The following CLIC5 variants were observed in gnomAD, a reference collection of about 807,000 sequenced individuals.
CLIC5 encodes CLIC family member 5.
In CLIC5, 20 loss-of-function variants were observed where a neutral mutation model predicts 24.7. That is an observed-to-expected ratio of 0.81 (90% CI 0.57 to 1.18). The LOEUF is 1.18. Ranked by LOEUF, CLIC5 falls within the 50% of genes most tolerant of loss-of-function variation. The probability of loss-of-function intolerance (pLI) is 0.00; values close to 1 mark genes in which losing one functional copy is unlikely to be tolerated. For missense variants in CLIC5, 341 were observed against 326.1 expected, an observed-to-expected ratio of 1.05 and a Z score of -0.35; for synonymous variants, 159 against 135.6, an observed-to-expected ratio of 1.17 and a Z score of -1.20.
intron 1 of CLIC5, among the ~76,000 whole-genome samples, chr6:46,002,709 G>T (rs773727383): frequency 4.6e-5 from 7 of 152,228 alleles, no homozygotes; most frequent in African/African-American, 1.7e-4. Flanking sequence ...GTTGATCAAA[G>T]AATGGGAGTT....
At chr6:46,069,118 G>A (rs1371866459) in intron 1 of CLIC5, among the ~76,000 whole-genome samples, 1 of 152,156 alleles carries the variant, frequency 6.6e-6, no homozygotes, top group East Asian at 1.9e-4. Context: ...GAACCATGAA[G>A]TGTGCAGGGA....
At chr6:45,987,788 C>T (rs535998603) in intron 1 of CLIC5, among the ~76,000 whole-genome samples, 1 of 152,182 alleles carries the variant, frequency 6.6e-6, no homozygotes, top group East Asian at 1.9e-4. Context: ...TCCCCCAATC[C>T]TATTGGATTA....
At chr6:45,978,635 G>C (rs896119630) in intron 1 of CLIC5, among the ~76,000 whole-genome samples, 1 of 152,130 alleles carries the variant, frequency 6.6e-6, no homozygotes, top group African/African-American at 2.4e-5. Context: ...CACACTTGGA[G>C]AACATCTGTA....
At chr6:46,053,563 C>T (rs978066059) in intron 1 of CLIC5, among the ~76,000 whole-genome samples, 1 of 152,158 alleles carries the variant, frequency 6.6e-6, no homozygotes, top group African/African-American at 2.4e-5. Flanking sequence ...TAGAAAGTGG[C>T]CTTCCCTCCC....
the CLIC5 span, among the ~76,000 whole-genome samples, chr6:46,113,529 T>A: frequency 6.6e-6 from 1 of 151,948 alleles, no homozygotes; most frequent in Non-Finnish European, 1.5e-5. Context: ...GGCAGGTAAG[T>A]GATGTGAGCA....
At chr6:45,985,091 C>T (rs1765688975) in intron 1 of CLIC5, among the ~76,000 whole-genome samples, 1 of 152,118 alleles carries the variant, frequency 6.6e-6, no homozygotes, top group Non-Finnish European at 1.5e-5. Context: ...GGAGGGAGGG[C>T]CTGGAAAGGC....
At chr6:46,081,344 T>C (rs774613631), upstream of CLIC5, among the ~76,000 whole-genome samples, 2 of 152,204 alleles carry the variant, frequency 1.3e-5, no homozygotes, top group Non-Finnish European at 1.5e-5. Flanking sequence ...TAAAGGGACT[T>C]TAATGTCTAG....
the CLIC5 span, among the ~76,000 whole-genome samples, chr6:46,086,066 T>C: frequency 6.6e-6 from 1 of 152,212 alleles, no homozygotes; most frequent in African/African-American, 2.4e-5. Context: ...GGATATAACC[T>C]CCTGGTGCGC....
chr6:46,098,336 C>G, the CLIC5 span, among the ~76,000 whole-genome samples: 1 of 152,070 alleles, frequency 6.6e-6, no homozygotes, highest in Non-Finnish European at 1.5e-5. Flanking sequence ...TAAGATTTCA[C>G]TGGCAGAAAT....
intron 1 of CLIC5, among the ~76,000 whole-genome samples, chr6:45,962,401 C>CT (rs918527096): frequency 6.8e-6 from 1 of 146,536 alleles, no homozygotes; most frequent in Non-Finnish European, 1.5e-5. Flanking sequence ...GGGGGTCAGT[C>CT]TTTTTTTCTA....
chr6:46,077,178 A>AAATG (rs1762794071), intron 1 of CLIC5, among the ~76,000 whole-genome samples: 1 of 152,184 alleles, frequency 6.6e-6, no homozygotes, highest in Admixed American at 6.5e-5. Context: ...TTGAATGAAT[A>AAATG]AATGAATGAC....
chr6:46,086,237 G>T, the CLIC5 span, among the ~76,000 whole-genome samples: 1 of 152,214 alleles, frequency 6.6e-6, no homozygotes, highest in Non-Finnish European at 1.5e-5. Context: ...CTCGTGCACG[G>T]TGCACTGCAC....
chr6:46,128,892 C>T, the CLIC5 span, among the ~76,000 whole-genome samples: 1 of 152,180 alleles, frequency 6.6e-6, no homozygotes, highest in Non-Finnish European at 1.5e-5. Context: ...CAACGGAATA[C>T]ATCTATTGCC....
chr6:45,923,293 T>G (rs1027106195), intron 4 of CLIC5, among the ~76,000 whole-genome samples: 5 of 152,212 alleles, frequency 3.3e-5, no homozygotes, highest in African/African-American at 1.2e-4. Context: ...AATGAGCTGG[T>G]TAAGAGAGAT....
chr6:46,085,491 C>G, the CLIC5 span, among the ~76,000 whole-genome samples: 6 of 152,210 alleles, frequency 3.9e-5, no homozygotes, highest in Admixed American at 2.0e-4. Flanking sequence ...TTCCTTCTAA[C>G]AGACAGGACC....
chr6:46,083,431 T>C (rs2127480553), upstream of CLIC5, among the ~76,000 whole-genome samples: 1 of 152,370 alleles, frequency 6.6e-6, no homozygotes, highest in Admixed American at 6.5e-5. Flanking sequence ...AATTTCCCTC[T>C]ACACACTGCT....
At chr6:45,993,673 C>G (rs1018336834) in intron 1 of CLIC5, among the ~76,000 whole-genome samples, 1 of 152,202 alleles carries the variant, frequency 6.6e-6, no homozygotes, top group East Asian at 1.9e-4. Context: ...TTTCACATAA[C>G]AGAGGTACTG....
In CLIC5 at chr6:45,884,513, G is replaced by A. The variant is rs568982702; in HGVS notation, c.624-3325C>T. On this transcript the variant is annotated intron_variant, in intron 6 of 6. Transcript: ENST00000644324. ...AAGACAATTCTCCTGGGCAGCCCCC[G>A]CAGCCTCACCTCTCTCATTGGCTGG... 1.1e-4 allele frequency among the ~76,000 whole-genome samples: 17 copies of A among 152,262 alleles called. 1 individual carries two copies. In the South Asian group the frequency reaches 2.3e-3, roughly 20 times the overall value.
At chr6:46,084,144 C>T (rs1581929873), upstream of CLIC5, among the ~76,000 whole-genome samples, 1 of 152,074 alleles carries the variant, frequency 6.6e-6, no homozygotes, top group Non-Finnish European at 1.5e-5. Flanking sequence ...CTTCCTCCAT[C>T]CTTTTATTTT....
Sources: gnomAD v4.1 joint callset for allele counts (sites outside exome capture counted in the v4.1 genomes callset) on GRCh38, gnomAD v4.1.1 for gene constraint, MANE v1.5 for transcripts, NCBI Gene and HGNC (gene_info 2026-07-23, HGNC 2026-07-21) for gene names.